Variants in KIAA1217 observed in about 807,000 individuals in gnomAD.
The protein encoded by KIAA1217 is sickle tail protein homolog.
In KIAA1217, 88 loss-of-function variants were observed where a neutral mutation model predicts 163.9. That is an observed-to-expected ratio of 0.54 (90% CI 0.45 to 0.64). The LOEUF (loss-of-function observed/expected upper bound fraction) is 0.64, where lower values mean the gene tolerates loss of function less well. KIAA1217 is among the 30% of genes least tolerant of loss of function. The pLI is 0.00. For synonymous variants in KIAA1217, 903 were observed against 923.1 expected, an observed-to-expected ratio of 0.98 and a Z score of 0.39; for missense variants, 2,372 against 2,475.0, an observed-to-expected ratio of 0.96 and a Z score of 0.88.
chr10:24,094,982 C>T (rs574201648), intron 2 of KIAA1217, among the ~76,000 whole-genome samples: 237 of 152,304 alleles, frequency 1.6e-3, no homozygotes, highest in African/African-American at 5.5e-3. Flanking sequence ...GCAGTTTGAT[C>T]TCAGACTGCT....
chr10:24,366,520 A>C (rs1160288278), intron 2 of KIAA1217, among the ~76,000 whole-genome samples: 1 of 152,228 alleles, frequency 6.6e-6, no homozygotes, highest in Non-Finnish European at 1.5e-5. Context: ...TTGCACAGTA[A>C]GCATTGTAAA....
At chr10:24,218,384 G>A (rs1589985818) in intron 1 of KIAA1217, among the ~76,000 whole-genome samples, 1 of 152,086 alleles carries the variant, frequency 6.6e-6, no homozygotes, top group African/African-American at 2.4e-5. Context: ...TTAGGTCCAG[G>A]CTATCAGGAT....
chr10:24,425,083 C>T (rs565525378), intron 3 of KIAA1217, among the ~76,000 whole-genome samples: 6 of 152,174 alleles, frequency 3.9e-5, no homozygotes, highest in African/African-American at 9.7e-5. Flanking sequence ...CTTATTTCCT[C>T]TGGCTTCAAA....
intron 1 of KIAA1217, among the ~76,000 whole-genome samples, chr10:23,869,130 T>TTTTTTTTTTTTTTTTTC (rs1840336268): frequency 7.5e-6 from 1 of 133,738 alleles, no homozygotes; most frequent in African/African-American, 3.1e-5. Flanking sequence ...TGTAGTTTTT[T>TTTTTTTTTTTTTTTTTC]TTTTTTTTTT....
At chr10:24,246,607 A>T (rs1352678627) in intron 2 of KIAA1217, among the ~76,000 whole-genome samples, 1 of 152,246 alleles carries the variant, frequency 6.6e-6, no homozygotes, top group Non-Finnish European at 1.5e-5. Context: ...TTAGTAAACA[A>T]TCTACCGAGC....
intron 1 of KIAA1217, among the ~76,000 whole-genome samples, chr10:23,934,436 C>T (rs1217582775): frequency 6.7e-6 from 1 of 149,806 alleles, no homozygotes; most frequent in Non-Finnish European, 1.5e-5. Flanking sequence ...TTCAGTAAAC[C>T]ACCATGGCAC....
intron 2 of KIAA1217, among the ~76,000 whole-genome samples, chr10:24,233,406 C>T (rs1214309153): frequency 6.6e-6 from 1 of 152,132 alleles, no homozygotes; most frequent in African/African-American, 2.4e-5. Context: ...CCCATTAGGC[C>T]CCTTCAACTT....
chr10:24,264,110 C>A (rs979870381), intron 2 of KIAA1217, among the ~76,000 whole-genome samples: 1 of 152,142 alleles, frequency 6.6e-6, no homozygotes, highest in African/African-American at 2.4e-5. Context: ...CCGCCCACCT[C>A]GGCCTCCCAA....
intron 2 of KIAA1217, among the ~76,000 whole-genome samples, chr10:24,038,592 A>G (rs1848492437): frequency 6.6e-6 from 1 of 152,128 alleles, no homozygotes. Context: ...CAAGTGACCT[A>G]TCCCCCTAAG....
chr10:24,331,456 G>A (rs945612875), intron 2 of KIAA1217, among the ~76,000 whole-genome samples: 2 of 152,218 alleles, frequency 1.3e-5, no homozygotes, highest in African/African-American at 4.8e-5. Context: ...AGCTATCAAT[G>A]CAGAGATTAA....
intron 1 of KIAA1217, among the ~76,000 whole-genome samples, chr10:23,934,282 C>T (rs1843379382): frequency 6.6e-6 from 1 of 151,422 alleles, no homozygotes. Flanking sequence ...CAAACTAACA[C>T]AGGAACAGAA....
intron 1 of KIAA1217, among the ~76,000 whole-genome samples, chr10:23,781,275 G>A (rs1027913519): frequency 1.3e-5 from 2 of 152,078 alleles, no homozygotes; most frequent in Admixed American, 6.5e-5. Context: ...GCCAACATTT[G>A]TTATCTCTTG....
Position 23,926,417 on chromosome 10 carries a change from T to C in KIAA1217, c.-320-80808T>C, listed in dbSNP as rs1167083490. Among the ~76,000 whole-genome samples the C allele has an allele frequency of 2.0e-5, 3 of 152,300 alleles. No homozygotes were observed. The East Asian group carries it at 5.8e-4, about 29-fold the overall frequency. On this transcript the variant is annotated intron_variant, in intron 1 of 18. Transcript: ENST00000376462. ...ATGCTGTCAATATTTCCATATGAGA[T>C]GTGCATTAGTCCTGTTTCAAAGGTA...
intron 2 of KIAA1217, among the ~76,000 whole-genome samples, chr10:24,279,078 G>T (rs1463207485): frequency 6.6e-6 from 1 of 152,068 alleles, no homozygotes; most frequent in Non-Finnish European, 1.5e-5. Flanking sequence ...AACCTCAGGT[G>T]ATCCGCACAT....
intron 1 of KIAA1217, among the ~76,000 whole-genome samples, chr10:23,720,028 G>A (rs939233449): frequency 3.3e-5 from 5 of 152,014 alleles, no homozygotes; most frequent in African/African-American, 9.7e-5. Flanking sequence ...GAGAAGGGGG[G>A]AGGGTGGTGG....
At chr10:24,275,842 G>C in intron 2 of KIAA1217, 1 of 458,540 alleles carries the variant, frequency 2.2e-6, no homozygotes, top group South Asian at 1.8e-5. Context: ...CCAAAGCAGT[G>C]TCTCATCTGC....
chr10:23,699,245 T>A (rs1461146738), intron 1 of KIAA1217, among the ~76,000 whole-genome samples: 1 of 152,198 alleles, frequency 6.6e-6, no homozygotes, highest in Non-Finnish European at 1.5e-5. Flanking sequence ...AGCTGTGAAG[T>A]CAGTGAAGCT....
At chr10:24,317,620 T>A (rs2043563878) in intron 2 of KIAA1217, among the ~76,000 whole-genome samples, 1 of 152,182 alleles carries the variant, frequency 6.6e-6, no homozygotes, top group Non-Finnish European at 1.5e-5. Context: ...GGAATTCTTT[T>A]CTTTAGAATA....
chr10:24,394,003 A>C (rs181100885), intron 3 of KIAA1217, among the ~76,000 whole-genome samples: 170 of 152,326 alleles, frequency 1.1e-3, no homozygotes, highest in Middle Eastern at 3.4e-3. Flanking sequence ...AAGACATTAA[A>C]ATTGTGTTTG....
Sources: gnomAD v4.1 joint callset for allele counts (sites outside exome capture counted in the v4.1 genomes callset) on GRCh38, gnomAD v4.1.1 for gene constraint, MANE v1.5 for transcripts, NCBI Gene and HGNC (gene_info 2026-07-23, HGNC 2026-07-21) for gene names.